DICER1: variants seen among roughly 807,000 people sequenced by gnomAD.
DICER1 encodes the protein dicer 1, ribonuclease III, also known as endoribonuclease Dicer.
A neutral mutation model predicts 194.1 loss-of-function variants in DICER1; 43 were observed. The observed-to-expected ratio is 0.22, with a 90% CI of 0.17 to 0.29. The LOEUF (loss-of-function observed/expected upper bound fraction) is 0.29, where lower values mean the gene tolerates loss of function less well. Among genes scored for constraint, DICER1 ranks in the 10% least tolerant of loss-of-function variants. The pLI, the probability that DICER1 is intolerant of heterozygous loss-of-function variation, is 1.00. For missense variants in DICER1, 1,608 were observed against 2,317.0 expected (o/e 0.69, Z 6.28); for synonymous variants, 832 against 820.5 (o/e 1.01, Z -0.24).
intron 20 of DICER1, among the ~76,000 whole-genome samples, chr14:95,104,451 G>C (rs1891231341): frequency 2.0e-5 from 3 of 152,118 alleles, no homozygotes; most frequent in African/African-American, 7.2e-5. Context: ...AGTAACTCTG[G>C]GCAACTTACA....
chr14:95,103,284 T>C (rs1891056555), intron 21 of DICER1, 62 bp downstream of exon 21: 5 of 1,553,772 alleles, frequency 3.2e-6, no homozygotes, highest in East Asian at 2.2e-5. Context: ...TATCCAACAC[T>C]GCAAACCACT....
chr14:95,135,794 T>A (rs778999237), intron 1 of DICER1, among the ~76,000 whole-genome samples: 1 of 152,226 alleles, frequency 6.6e-6, no homozygotes, highest in Non-Finnish European at 1.5e-5. Context: ...TCACAATTTC[T>A]TTACCCATTC....
At chr14:95,111,222 G>GT in intron 14 of DICER1, 95 bp downstream of exon 14, 1 of 1,469,162 alleles carries the variant, frequency 6.8e-7, no homozygotes, top group Non-Finnish European at 9.5e-7. Flanking sequence ...CTGTAAGGGT[G>GT]TGGGAAGCCA....
intron 1 of DICER1, 42 bp from the exon 2 acceptor site, chr14:95,133,545 G>T: frequency 7.1e-7 from 1 of 1,405,848 alleles, no homozygotes; most frequent in Non-Finnish European, 9.8e-7. Flanking sequence ...ATCATGCAGG[G>T]TTAAAAACAA....
chr14:95,131,671 T>G (rs1402243178), intron 3 of DICER1, 32 bp from the exon 4 acceptor site: 8 of 1,607,420 alleles, frequency 5.0e-6, no homozygotes, highest in Non-Finnish European at 6.8e-6. Context: ...CATGTAAATA[T>G]GAGAAATCTT....
Position 95,089,758 on chromosome 14 carries a change from T to C in DICER1, c.*740A>G, listed in dbSNP as rs1889626053. On this transcript the variant is annotated 3_prime_UTR_variant, in exon 27 of 27. Transcript: ENST00000343455. The stretch of plus-strand genomic sequence containing the variant: ...CGCTGTCTCAACGTCTAATGCATAA[T>C]AAAATGAAAGGAATGTAAAACAGTT... 1 of 232,188 alleles carries C rather than the reference T, an allele frequency of 4.3e-6. No individual in the cohort carries two copies. The highest frequency in any genetic ancestry group is 5.6e-5 in the Admixed American group (1 of 17,752). The allele number at this position is 232,188 out of a possible 1,614,324, so 14.4% of individuals were successfully genotyped here.
intron 1 of DICER1, among the ~76,000 whole-genome samples, chr14:95,134,089 A>G (rs112772462): frequency 0.034 from 5,229 of 152,292 alleles, 326 homozygotes; most frequent in African/African-American, 0.12. Context: ...CTGCACCACG[A>G]AAGATTTAGA....
chr14:95,130,434 A>C (rs1296238487), intron 4 of DICER1, among the ~76,000 whole-genome samples: 1 of 152,270 alleles, frequency 6.6e-6, no homozygotes, highest in Non-Finnish European at 1.5e-5. Flanking sequence ...CTTGACGACA[A>C]ATCTAAATTT....
At chr14:95,092,455 G>GT (rs1347041448) in intron 24 of DICER1, among the ~76,000 whole-genome samples, 2 of 152,146 alleles carry the variant, frequency 1.3e-5, no homozygotes, top group East Asian at 3.9e-4. Flanking sequence ...TTTCTAATAG[G>GT]TTGTTTAGCC....
intron 24 of DICER1, 176 bp from the exon 25 acceptor site, chr14:95,091,541 AAAGTTTTTCAAACTTCTC>A: frequency 1.6e-6 from 1 of 621,116 alleles, no homozygotes; most frequent in Non-Finnish European, 2.7e-6. Flanking sequence ...TATTTTTAAA[AAAGTTTTTCAAACTTCTC>A]AAGAAAAAAA....
chr14:95,105,333 G>A lies in DICER1; in HGVS notation c.3094-87C>T. 2 of 1,233,210 alleles carry A rather than the reference G, an allele frequency of 1.6e-6. No individual in the cohort carries two copies. The highest frequency in any genetic ancestry group is 1.3e-5 in the South Asian group (1 of 78,050). 76.4% of individuals were successfully genotyped at this position (1,233,210 alleles called of 1,614,324 possible). On this transcript the variant is annotated intron_variant, in intron 19 of 26. Coordinates refer to ENST00000343455, the MANE Select transcript of DICER1 (RefSeq NM_177438.3). The surrounding 1 kb of genome is among the most constrained non-coding windows in gnomAD (Gnocchi z 4.9). ...AAGACCAATTTCACTAATGGATAAA[G>A]AAAATCATAAATGCTAGTAAAACTT...
Position 95,105,055 on chromosome 14 carries a change from G to A in DICER1, c.3269+16C>T, listed in dbSNP as rs530476551. 1.2e-5 allele frequency: 20 copies of A among 1,612,460 alleles called. No individual in the cohort carries two copies. The highest frequency in any genetic ancestry group is 8.3e-5 in the Admixed American group (5 of 60,008). Reference sequence around the variant, plus strand: ...CTCATGATCTGTGTTCTTTCTGGCTGACTGCACAGGCATACCTAAAATCCG... The same window carrying A: ...CTCATGATCTGTGTTCTTTCTGGCTAACTGCACAGGCATACCTAAAATCCG... On this transcript the variant is annotated intron_variant, in intron 20 of 26. Transcript: ENST00000343455. This position sits in a 1 kb window ranked among gnomAD's most constrained non-coding sequence, Gnocchi z 4.9.
intron 1 of DICER1, among the ~76,000 whole-genome samples, chr14:95,140,114 T>C (rs1273775060): frequency 1.3e-5 from 2 of 152,210 alleles, no homozygotes; most frequent in Non-Finnish European, 2.9e-5. Flanking sequence ...TTAACTGCTT[T>C]TGCAGAGCCA....
rs1890362623 is a variant in DICER1 at position 95,096,568 on chromosome 14, C to G, written c.4352G>C (p.Arg1451Thr). 2 of 1,613,122 alleles carry G rather than the reference C, an allele frequency of 1.2e-6. No homozygotes were observed. Among genetic ancestry groups the G allele is most frequent in the Middle Eastern group, 1.7e-4 (1 of 6,052 alleles). ...DFLEYDQEHI[R>T]FIDNMLMGSG... ...CCCCATTAACATATTATCTATAAAT[C>G]TGATATGTTCCTGATCATACTCCAG... Residue 1451 changes from arginine (R) to threonine (T), a missense_variant, in exon 23 of 27, where the codon AGA becomes ACA. Arg to Thr is a moderately conservative substitution (Grantham distance 71). Coordinates refer to ENST00000343455, the MANE Select transcript of DICER1 (RefSeq NM_177438.3).
Position 95,103,864 on chromosome 14 carries a change from G to A in DICER1, c.3532C>T (p.Leu1178Phe), listed in dbSNP as rs780952666. Residue 1178 changes from leucine (L) to phenylalanine (F), a missense_variant, in exon 21 of 27, where the codon CTT becomes TTT. By Grantham distance (22) the Leu-to-Phe change is conservative. This residue lies in a region of DICER1 where 222 missense variants were observed against 215.5 expected (regional missense o/e 1.03). Coordinates refer to ENST00000343455, the MANE Select transcript of DICER1 (RefSeq NM_177438.3). ...VSADLTAING[L>F]SYNQNLANGS... ...TTGGCGAGATTTTGATTGTAAGAAA[G>A]ACCATTAATTGCTGTAAGATCTGCT... 2.5e-6 allele frequency: 4 copies of A among 1,614,018 alleles called. No individual in the cohort carries two copies. The highest frequency in any genetic ancestry group is 3.4e-6 in the Non-Finnish European group (4 of 1,180,054).
chr14:95,095,042 CAGAT>C (rs1293571534), intron 23 of DICER1, among the ~76,000 whole-genome samples: 2 of 152,192 alleles, frequency 1.3e-5, no homozygotes, highest in African/African-American at 4.8e-5. Flanking sequence ...AGTCCAGAGT[CAGAT>C]AGTTTTTCAC....
chr14:95,090,934 G>A (rs754046261), intron 26 of DICER1, 100 bp downstream of exon 26: 2 of 1,187,312 alleles, frequency 1.7e-6, no homozygotes, highest in Non-Finnish European at 1.2e-6. Flanking sequence ...ACACCACAGT[G>A]TAAATATTTT....
At chr14:95,102,059 T>C (rs1029130223) in intron 21 of DICER1, among the ~76,000 whole-genome samples, 1 of 152,222 alleles carries the variant, frequency 6.6e-6, no homozygotes, top group African/African-American at 2.4e-5. Flanking sequence ...CTCAGAATTA[T>C]AAAAATTAAA....
chr14:95,134,744 C>T (rs1010599569), intron 1 of DICER1, among the ~76,000 whole-genome samples: 1 of 152,196 alleles, frequency 6.6e-6, no homozygotes, highest in Non-Finnish European at 1.5e-5. Context: ...CACCCCACTG[C>T]CGGAGCTGAG....
Sources: allele counts gnomAD v4.1 joint callset (sites outside exome capture counted in the v4.1 genomes callset), GRCh38; gene constraint gnomAD v4.1.1; regional missense constraint gnomAD v4.1.1; non-coding constraint Gnocchi (gnomAD v3.1); transcripts MANE v1.5; gene names NCBI Gene and HGNC (gene_info 2026-07-23, HGNC 2026-07-21).